GLB1: variants seen among roughly 807,000 people sequenced by gnomAD.
GLB1 encodes galactosidase beta 1, also known as beta-galactosidase.
In GLB1, 56 loss-of-function variants were observed where a neutral mutation model predicts 74.0. That is an observed-to-expected ratio of 0.76 (90% CI 0.61 to 0.94). The LOEUF is 0.94. Among genes scored for constraint, GLB1 ranks in the 40% least tolerant of loss-of-function variants. The pLI, the probability that GLB1 is intolerant of heterozygous loss-of-function variation, is 0.00. For missense variants in GLB1, 787 were observed against 845.5 expected, an observed-to-expected ratio of 0.93 and a Z score of 0.86; for synonymous variants, 323 against 323.6, an observed-to-expected ratio of 1.00 and a Z score of 0.02.
intron 3 of GLB1, 29 bp from the exon 4 acceptor site, chr3:33,068,319 T>A: frequency 6.2e-7 from 1 of 1,613,872 alleles, no homozygotes; most frequent in Non-Finnish European, 8.5e-7. Context: ...GCCATTATAA[T>A]GTCTGTTCCG....
intron 10 of GLB1, among the ~76,000 whole-genome samples, chr3:33,033,161 T>C (rs910883545): frequency 6.6e-6 from 1 of 152,178 alleles, no homozygotes; most frequent in African/African-American, 2.4e-5. Context: ...AATACAATTA[T>C]GCCTAAAGGC....
chr3:32,967,754 C>A, the GLB1 span, among the ~76,000 whole-genome samples: 1 of 152,202 alleles, frequency 6.6e-6, no homozygotes, highest in Non-Finnish European at 1.5e-5. Context: ...ACTAGAGCCT[C>A]AGGGCCAGGG....
the GLB1 span, among the ~76,000 whole-genome samples, chr3:32,963,338 G>A: frequency 1.3e-5 from 2 of 152,066 alleles, no homozygotes; most frequent in Non-Finnish European, 2.9e-5. Context: ...AGTTCTAAAA[G>A]GAAACATGGG....
intron 2 of GLB1, among the ~76,000 whole-genome samples, 156 bp from the exon 3 acceptor site, chr3:33,069,126 AG>A (rs767226319): frequency 2.6e-5 from 4 of 152,124 alleles, no homozygotes; most frequent in Non-Finnish European, 5.9e-5. Flanking sequence ...ACAGTGGCTC[AG>A]GCCTCTAATC....
chr3:33,093,405 T>C lies in GLB1; in HGVS notation c.75+3606A>G. ...GTAGGCACCGAGATGTGAATGAAGC[T>C]GGCCCAGAGGAGCGACAGCCGTCCG... On this transcript the variant is annotated intron_variant, in intron 1 of 15. Transcript: ENST00000307363. This position sits in a 1 kb window ranked among gnomAD's most constrained non-coding sequence, Gnocchi z 6.0. 1.2e-6 allele frequency: 2 copies of C among 1,614,072 alleles called. No homozygotes were observed. The highest frequency in any genetic ancestry group is 1.7e-6 in the Non-Finnish European group (2 of 1,180,000).
At chr3:32,971,132 T>C in the GLB1 span, among the ~76,000 whole-genome samples, 3 of 152,192 alleles carry the variant, frequency 2.0e-5, no homozygotes, top group Non-Finnish European at 2.9e-5. Context: ...CTCCAACATT[T>C]ATATTCAGGA....
chr3:33,061,987 A>G (rs1699461812), intron 5 of GLB1, among the ~76,000 whole-genome samples: 1 of 152,186 alleles, frequency 6.6e-6, no homozygotes, highest in African/African-American at 2.4e-5. Context: ...GTTCTCAGAC[A>G]GGGATTTAAG....
chr3:33,044,230 T>C (rs1315938857), intron 10 of GLB1, among the ~76,000 whole-genome samples: 1 of 152,190 alleles, frequency 6.6e-6, no homozygotes. Context: ...TCACAGACTA[T>C]ATTCTCTAAC....
At chr3:33,009,906 T>C (rs1320784616) in intron 15 of GLB1, among the ~76,000 whole-genome samples, 2 of 152,242 alleles carry the variant, frequency 1.3e-5, no homozygotes, top group East Asian at 3.8e-4. Context: ...AGCATAATAT[T>C]TTTCCAATTC....
chr3:33,007,147 G>C (rs1448261788), intron 15 of GLB1, among the ~76,000 whole-genome samples: 1 of 152,206 alleles, frequency 6.6e-6, no homozygotes, highest in African/African-American at 2.4e-5. Context: ...GGTAGGATGT[G>C]TGTGTACCCT....
chr3:33,041,394 GCT>G (rs1317845836), intron 10 of GLB1, among the ~76,000 whole-genome samples: 9 of 152,186 alleles, frequency 5.9e-5, no homozygotes, highest in African/African-American at 2.2e-4. Context: ...GGGCATGGTG[GCT>G]CACACCTGTA....
chr3:32,978,006 T>C, the GLB1 span, among the ~76,000 whole-genome samples: 1 of 152,220 alleles, frequency 6.6e-6, no homozygotes, highest in Non-Finnish European at 1.5e-5. Flanking sequence ...TCTCTTTTGG[T>C]TATTGTTATT....
In GLB1 at chr3:33,016,856, C is replaced by T. The variant is rs777856183; in HGVS notation, c.1348-16G>A. The T allele has an allele frequency of 2.3e-5, 37 of 1,613,268 alleles. No homozygotes were observed. Among genetic ancestry groups the T allele is most frequent in the Middle Eastern group, 1.6e-4 (1 of 6,062 alleles). ...CCTGGGGGATCTGTGGGGTTCAAGA[C>T]CAAATGACAATTGAATTGAGGGTAA... On this transcript the variant is annotated splice_polypyrimidine_tract_variant and intron_variant, in intron 13 of 15. Coordinates refer to ENST00000307363, the MANE Select transcript of GLB1 (RefSeq NM_000404.4).
At chr3:33,024,076 C>G (rs939143853) in intron 11 of GLB1, among the ~76,000 whole-genome samples, 175 bp downstream of exon 11, 2 of 152,166 alleles carry the variant, frequency 1.3e-5, no homozygotes, top group African/African-American at 4.8e-5. Context: ...CTTCTCACCT[C>G]TCTCTCCCCA....
chr3:33,055,196 C>A (rs1001625989), intron 6 of GLB1, among the ~76,000 whole-genome samples: 14 of 152,340 alleles, frequency 9.2e-5, no homozygotes, highest in African/African-American at 2.6e-4. Flanking sequence ...GGCCCATCTG[C>A]CCCAGGCACC....
At chr3:33,079,276 G>A (rs1014853420) in intron 1 of GLB1, among the ~76,000 whole-genome samples, 2 of 152,148 alleles carry the variant, frequency 1.3e-5, no homozygotes, top group African/African-American at 4.8e-5. Context: ...GGATTATGCA[G>A]GTGTAGGCAT....
chr3:33,075,766 T>C (rs146994938), intron 1 of GLB1, among the ~76,000 whole-genome samples: 1 of 152,162 alleles, frequency 6.6e-6, no homozygotes, highest in Non-Finnish European at 1.5e-5. Context: ...AGCAAAATCA[T>C]CTACGCAAGC....
chr3:33,030,699 C>T (rs1237465943), intron 10 of GLB1: 12 of 985,306 alleles, frequency 1.2e-5, no homozygotes, highest in Non-Finnish European at 1.4e-5. Context: ...CAGTTACTAC[C>T]TTTGGGAATC....
chr3:32,985,393 C>T, the GLB1 span, among the ~76,000 whole-genome samples: 3 of 151,800 alleles, frequency 2.0e-5, no homozygotes, highest in African/African-American at 7.3e-5. Context: ...CGGGTTCAAG[C>T]GATTCTCCTG....
Sources: gnomAD v4.1 joint callset for allele counts (sites outside exome capture counted in the v4.1 genomes callset) on GRCh38, gnomAD v4.1.1 for gene constraint, Gnocchi (gnomAD v3.1) non-coding constraint, MANE v1.5 for transcripts, NCBI Gene and HGNC (gene_info 2026-07-23, HGNC 2026-07-21) for gene names.